The following MAPK8IP1 variants were observed in gnomAD, a reference collection of about 807,000 sequenced individuals.
MAPK8IP1 encodes the protein C-Jun-amino-terminal kinase-interacting protein 1.
A neutral mutation model predicts 72.6 loss-of-function variants in MAPK8IP1; 17 were observed. The ratio of observed to expected loss-of-function variants is 0.23; its 90% confidence interval spans 0.16 to 0.35. The LOEUF is 0.35. MAPK8IP1 is among the 10% of genes least tolerant of loss of function. The pLI is 1.00. For missense variants in MAPK8IP1, 789 were observed against 1,009.7 expected (o/e 0.78, Z 2.96); for synonymous variants, 401 against 443.4 (o/e 0.90, Z 1.20).
chr11:45,896,857 C>T, intron 1 of MAPK8IP1: 3 of 1,549,136 alleles, frequency 1.9e-6, no homozygotes, highest in East Asian at 2.4e-5. Context: ...GCCCCGCAGC[C>T]CCCCGGCCGG....
At position 45,904,880 on chromosome 11, in the gene MAPK8IP1, TCCC is replaced by T. The variant is rs758547344; in HGVS notation, c.1893+49_1893+51del. 2.0e-4 allele frequency: 321 copies of T among 1,608,436 alleles called. 1 individual carries two copies. The highest frequency in any genetic ancestry group is 1.0e-3 in the Admixed American group (61 of 60,016). On this transcript the variant is annotated intron_variant, in intron 9 of 11. Transcript: ENST00000241014. This position sits in a 1 kb window ranked among gnomAD's most constrained non-coding sequence, Gnocchi z 6.4. ...CCCTTCCTTCCATGGCCCCAAGCTC[TCCC>T]CCAAGACTTGTGATGAAGAGGCCAT...
In MAPK8IP1 at chr11:45,900,519, G is replaced by A; in HGVS notation, c.522+67G>A. The A allele has an allele frequency of 3.3e-6, 5 of 1,504,504 alleles. No homozygotes were observed. The South Asian group carries it at 4.9e-5, about 15-fold the overall frequency. 93.2% of individuals were successfully genotyped at this position (1,504,504 alleles called of 1,614,324 possible). Reference sequence around the variant, plus strand: ...GAGATGTGAGGGGGAGCGCAGAGGGGCTGCAGCGGGAAGGGGCACCCACGG... The same window carrying A: ...GAGATGTGAGGGGGAGCGCAGAGGGACTGCAGCGGGAAGGGGCACCCACGG... On this transcript the variant is annotated intron_variant, in intron 3 of 11. Coordinates refer to ENST00000241014, the MANE Select transcript of MAPK8IP1 (RefSeq NM_005456.4). The surrounding 1 kb of genome is among the most constrained non-coding windows in gnomAD (Gnocchi z 6.5).
At position 45,905,915 on chromosome 11, in the gene MAPK8IP1, G is replaced by A; in HGVS notation, c.*194G>A. 1.6e-6 allele frequency: 1 copy of A among 625,640 alleles called. No homozygotes were observed. Among genetic ancestry groups the A allele is most frequent in the Non-Finnish European group, 2.9e-6 (1 of 347,406 alleles). 38.8% of individuals were successfully genotyped at this position (625,640 alleles called of 1,614,324 possible). On this transcript the variant is annotated 3_prime_UTR_variant, in exon 12 of 12. Coordinates refer to ENST00000241014, the MANE Select transcript of MAPK8IP1 (RefSeq NM_005456.4). ...AAATGCAGTTTATTGTAATATATGG[G>A]ATTAGATTCATCTATGGAGGGCAGA... is the stretch of plus-strand genomic sequence containing the variant.
chr11:45,886,212 C>T (rs190248672), intron 1 of MAPK8IP1, among the ~76,000 whole-genome samples: 298 of 152,364 alleles, frequency 2.0e-3, no homozygotes, highest in African/African-American at 6.6e-3. Flanking sequence ...TCTCCCCAAC[C>T]TCCGGGCTGC....
intron 1 of MAPK8IP1, among the ~76,000 whole-genome samples, chr11:45,893,563 T>C (rs1463014908): frequency 6.6e-6 from 1 of 152,068 alleles, no homozygotes; most frequent in Non-Finnish European, 1.5e-5. Flanking sequence ...ATGGATGACG[T>C]CTCAAGGATC....
intron 1 of MAPK8IP1, chr11:45,896,439 G>T (rs920086021): frequency 2.3e-5 from 18 of 799,258 alleles, no homozygotes; most frequent in Admixed American, 5.4e-5. Context: ...GCTGGCTTTT[G>T]GGGGGAAACA....
chr11:45,889,253 G>A (rs1235547506), intron 1 of MAPK8IP1, among the ~76,000 whole-genome samples: 1 of 152,182 alleles, frequency 6.6e-6, no homozygotes, highest in Non-Finnish European at 1.5e-5. Context: ...AACCTGTCAT[G>A]TGGAGTCAGG....
chr11:45,902,002 T>A lies in MAPK8IP1; in HGVS notation c.545T>A (p.Leu182Gln), dbSNP rs2086657130. ...RSQDTLNNNS[L>Q]GKKHSWQDRV... ...CAGGACACACTGAATAATAATTCTC[T>A]GGGCAAAAAGCACAGTTGGCAGGAT... The change falls in exon 4 of 12, where the codon CTG becomes CAG. Residue 182 changes from leucine (L) to glutamine (Q), a missense_variant. Physicochemically the swap from Leu to Gln is moderately radical, Grantham distance 113 (BLOSUM62 -2). This residue lies in a region of MAPK8IP1 where 112 missense variants were observed against 192.8 expected (regional missense o/e 0.58). Transcript: ENST00000241014. The surrounding 1 kb of genome is among the most constrained non-coding windows in gnomAD (Gnocchi z 9.3). 3 of 1,614,000 alleles carry A rather than the reference T, an allele frequency of 1.9e-6. No homozygotes were observed. Among genetic ancestry groups the A allele is most frequent in the African/African-American group, 1.3e-5 (1 of 74,922 alleles).
rs2086622241 is a variant in MAPK8IP1 at position 45,898,171 on chromosome 11, A to G, written c.188A>G (p.Lys63Arg). ...GAGTGTGGCATCAGCTTACAGTGCA[A>G]AGACACCCTGTCCTTACGGGTAAGG... ...TDECGISLQC[K>R]DTLSLRPPRA... The change falls in exon 2 of 12, where the codon AAA (lysine) becomes AGA (arginine). Residue 63 changes from lysine to arginine, a missense_variant. This residue lies in a region of MAPK8IP1 where 112 missense variants were observed against 111.8 expected (regional missense o/e 1.00). Coordinates refer to ENST00000241014, the MANE Select transcript of MAPK8IP1 (RefSeq NM_005456.4). 1.2e-6 allele frequency: 2 copies of G among 1,613,164 alleles called. No homozygotes were observed. Among genetic ancestry groups the G allele is most frequent in the Admixed American group, 3.3e-5 (2 of 59,982 alleles).
In MAPK8IP1 at chr11:45,904,355, G is replaced by A; in HGVS notation, c.1667-100G>A. ...AGCCAGGGATTGTGGCAGCCTCTGT[G>A]GGCTCTGCCATTCCCCGTGCCTCAC... is the stretch of plus-strand genomic sequence containing the variant. On this transcript the variant is annotated intron_variant, in intron 7 of 11. Coordinates refer to ENST00000241014, the MANE Select transcript of MAPK8IP1 (RefSeq NM_005456.4). This position sits in a 1 kb window ranked among gnomAD's most constrained non-coding sequence, Gnocchi z 6.4. 8.4e-7 allele frequency: 1 copy of A among 1,191,932 alleles called. No homozygotes were observed. The highest frequency in any genetic ancestry group is 1.2e-6 in the Non-Finnish European group (1 of 814,800). 73.8% of individuals were successfully genotyped at this position (1,191,932 alleles called of 1,614,324 possible).
Position 45,903,264 on chromosome 11 carries a change from G to C in MAPK8IP1, c.1417+80G>C. On this transcript the variant is annotated intron_variant, in intron 5 of 11. Coordinates refer to ENST00000241014, the MANE Select transcript of MAPK8IP1 (RefSeq NM_005456.4). This position sits in a 1 kb window ranked among gnomAD's most constrained non-coding sequence, Gnocchi z 6.4. ...CAAAATGCGAAGTGTTCTGGGAGGC[G>C]ACCCCAGGCCCCATCTGGTTAGGAC... 6.3e-7 allele frequency: 1 copy of C among 1,576,926 alleles called. No homozygotes were observed. The highest frequency in any genetic ancestry group is 8.7e-7 in the Non-Finnish European group (1 of 1,154,284).
Position 45,902,244 on chromosome 11 carries a change from G to A in MAPK8IP1, c.605-128G>A. 2 of 992,902 alleles carry A rather than the reference G, an allele frequency of 2.0e-6. No homozygotes were observed. The highest frequency in any genetic ancestry group is 1.6e-6 in the Non-Finnish European group (1 of 634,904). The allele number at this position is 992,902 out of a possible 1,614,324, so 61.5% of individuals were successfully genotyped here. ...CATGAGTGAGTTGACTGGCCCCAGA[G>A]CCTGCGAAGGGCCTGTTGCCCAGGG... is the stretch of plus-strand genomic sequence containing the variant. On this transcript the variant is annotated intron_variant, in intron 4 of 11. Coordinates refer to ENST00000241014, the MANE Select transcript of MAPK8IP1 (RefSeq NM_005456.4). The surrounding 1 kb of genome is among the most constrained non-coding windows in gnomAD (Gnocchi z 9.3).
intron 1 of MAPK8IP1, among the ~76,000 whole-genome samples, chr11:45,895,874 G>A (rs780765357): frequency 1.3e-5 from 2 of 152,032 alleles, no homozygotes; most frequent in East Asian, 1.9e-4. Context: ...TGCCCTGGCC[G>A]GACGGAGGAG....
At chr11:45,892,207 G>A (rs1590782746) in intron 1 of MAPK8IP1, among the ~76,000 whole-genome samples, 1 of 152,256 alleles carries the variant, frequency 6.6e-6, no homozygotes, top group African/African-American at 2.4e-5. Flanking sequence ...GGGCCTGAGA[G>A]GGATGCTGGG....
At position 45,901,926 on chromosome 11, in the gene MAPK8IP1, G is replaced by T. The variant is rs537519248; in HGVS notation, c.523-54G>T. ...GAGGGGGCAGGGCCGGGGCCTCCCT[G>T]TGCCGGGCACTGTTGACCACTTCCA... On this transcript the variant is annotated intron_variant, in intron 3 of 11. Coordinates refer to ENST00000241014, the MANE Select transcript of MAPK8IP1 (RefSeq NM_005456.4). 2.3e-5 allele frequency: 32 copies of T among 1,417,700 alleles called. No homozygotes were observed. In the Middle Eastern group the frequency reaches 8.8e-4, roughly 39 times the overall value. The allele number at this position is 1,417,700 out of a possible 1,614,324, so 87.8% of individuals were successfully genotyped here.
In MAPK8IP1 at chr11:45,905,132, G is replaced by A. The variant is rs2086695355; in HGVS notation, c.1965-19G>A. The A allele has an allele frequency of 4.3e-6, 7 of 1,613,438 alleles. No individual in the cohort carries two copies. Among genetic ancestry groups the A allele is most frequent in the South Asian group, 3.3e-5 (3 of 91,068 alleles). On this transcript the variant is annotated intron_variant, in intron 10 of 11. Transcript: ENST00000241014. ...TGGGCCGAGCCCCCGTCCCAGCACA[G>A]ACAGACCTGTCCCTGCAGGTACTTT...
At position 45,900,108 on chromosome 11, in the gene MAPK8IP1, C is replaced by G; in HGVS notation, c.208-30C>G. 8.4e-6 allele frequency: 10 copies of G among 1,192,402 alleles called. No individual in the cohort carries two copies. The highest frequency in any genetic ancestry group is 1.0e-5 in the Non-Finnish European group (10 of 961,998). 73.9% of individuals were successfully genotyped at this position (1,192,402 alleles called of 1,614,324 possible). A position where few individuals can be genotyped will look rare whatever the true frequency, so the allele number is the denominator to read the frequency against. ...CGGCCTCGGCCCCGCCCCGGCCCCG[C>G]CCCCTGACGCCCCTCCGTGCGCTGT... is the stretch of plus-strand genomic sequence containing the variant. On this transcript the variant is annotated intron_variant, in intron 2 of 11. Coordinates refer to ENST00000241014, the MANE Select transcript of MAPK8IP1 (RefSeq NM_005456.4). The surrounding 1 kb of genome is among the most constrained non-coding windows in gnomAD (Gnocchi z 6.5).
chr11:45,901,674 C>T (rs1554341), intron 3 of MAPK8IP1, among the ~76,000 whole-genome samples: 3 of 152,164 alleles, frequency 2.0e-5, no homozygotes, highest in African/African-American at 4.8e-5. Flanking sequence ...CCTGCCTCCT[C>T]CCCCTCTTGC....
rs1169989752 is a variant in MAPK8IP1, at chr11:45,900,014, C to T, written c.208-124C>T. Reference sequence around the variant, plus strand: ...GAGAGCGCCCCAGTCTCCGGCGGCCCCTGCTCGGCTCCCCTCGTGCCCCCT... The same window carrying T: ...GAGAGCGCCCCAGTCTCCGGCGGCCTCTGCTCGGCTCCCCTCGTGCCCCCT... On this transcript the variant is annotated intron_variant, in intron 2 of 11. Transcript: ENST00000241014. This position sits in a 1 kb window ranked among gnomAD's most constrained non-coding sequence, Gnocchi z 6.5. 2 of 558,000 alleles carry T rather than the reference C, an allele frequency of 3.6e-6. No homozygotes were observed. The highest frequency in any genetic ancestry group is 5.1e-5 in the Admixed American group (1 of 19,442). The allele number at this position is 558,000 out of a possible 1,614,324, so 34.6% of individuals were successfully genotyped here.
Sources: allele counts gnomAD v4.1 joint callset (sites outside exome capture counted in the v4.1 genomes callset), GRCh38; gene constraint gnomAD v4.1.1; regional missense constraint gnomAD v4.1.1; non-coding constraint Gnocchi (gnomAD v3.1); transcripts MANE v1.5; gene names NCBI Gene and HGNC (gene_info 2026-07-23, HGNC 2026-07-21).